The following CACNA1C variants were observed in gnomAD, a reference collection of about 807,000 sequenced individuals.
The protein encoded by CACNA1C is voltage-dependent L-type calcium channel subunit alpha-1C.
In CACNA1C, 30 loss-of-function variants were observed where a neutral mutation model predicts 229.0. That is an observed-to-expected ratio of 0.13 (90% confidence interval 0.10 to 0.18). CACNA1C has a LOEUF of 0.18. Ranked by LOEUF, CACNA1C falls within the 10% of genes least tolerant of loss-of-function variation. CACNA1C has a pLI of 1.00. For synonymous variants in CACNA1C, 1,114 were observed against 1,132.5 expected, an observed-to-expected ratio of 0.98 and a Z score of 0.33; for missense variants, 1,658 against 2,845.0, an observed-to-expected ratio of 0.58 and a Z score of 9.49.
Position 2,194,785 on chromosome 12 carries a change from G to A in CACNA1C, c.477+74355G>A, listed in dbSNP as rs146184899. Reference sequence around the variant, plus strand: ...TGACCCTGCCGTGGAGCACCTGAGGGGAGGAGTCACTGGGTTTCTGGCCTC... The same window carrying A: ...TGACCCTGCCGTGGAGCACCTGAGGAGAGGAGTCACTGGGTTTCTGGCCTC... On this transcript the variant is annotated intron_variant, in intron 3 of 46. Coordinates refer to ENST00000399655, the MANE Select transcript of CACNA1C (RefSeq NM_000719.7). Among the ~76,000 whole-genome samples, 196 of 152,276 alleles carry A rather than the reference G, an allele frequency of 1.3e-3. 2 individuals are homozygous for A. Among genetic ancestry groups the A allele is most frequent in the African/African-American group, 3.9e-3 (164 of 41,558 alleles).
At chr12:2,572,312 CTCCTCCTCT>C (rs2055057020) in intron 13 of CACNA1C, among the ~76,000 whole-genome samples, 3 of 147,172 alleles carry the variant, frequency 2.0e-5, no homozygotes, top group Admixed American at 6.7e-5. Flanking sequence ...CCTCCTCCTC[CTCCTCCTCT>C]TCCTCCTCCT....
chr12:2,333,166 G>A (rs1187748964), intron 3 of CACNA1C, among the ~76,000 whole-genome samples: 1 of 152,090 alleles, frequency 6.6e-6, no homozygotes, highest in Non-Finnish European at 1.5e-5. Flanking sequence ...GGTCTTGATG[G>A]GCTGTGTGCT....
chr12:2,140,487 G>A (rs1008489330), intron 3 of CACNA1C, among the ~76,000 whole-genome samples: 5 of 151,422 alleles, frequency 3.3e-5, no homozygotes, highest in African/African-American at 1.2e-4. Flanking sequence ...GGCTGAGACA[G>A]CACCAGATGA....
chr12:2,478,712 A>G (rs2099644239), intron 5 of CACNA1C, among the ~76,000 whole-genome samples: 1 of 152,206 alleles, frequency 6.6e-6, no homozygotes, highest in Non-Finnish European at 1.5e-5. Context: ...AGTTGGTACA[A>G]GGACACATGG....
rs555186857 is a variant in CACNA1C, at chr12:2,097,290, C to A, written c.50-17934C>A. ...CCTCCCGTGTAGCTGGGACTACAGG[C>A]GCCTGCCACCACGCCCAGCTAATTT... On this transcript the variant is annotated intron_variant, in intron 1 of 46. Coordinates refer to ENST00000399655, the MANE Select transcript of CACNA1C (RefSeq NM_000719.7). Among the ~76,000 whole-genome samples, 21 of 152,164 alleles carry A rather than the reference C, an allele frequency of 1.4e-4. No individual in the cohort carries two copies. In the East Asian group the frequency reaches 2.5e-3, roughly 18 times the overall value.
chr12:2,005,146 G>GA (rs71441670), intron 1 of CACNA1C, among the ~76,000 whole-genome samples: 2,570 of 130,954 alleles, frequency 0.02, 63 homozygotes, highest in African/African-American at 0.061. Flanking sequence ...AGTTACAAAA[G>GA]AAAAAAAAAA....
At chr12:2,052,238 T>C (rs958569979), upstream of CACNA1C, among the ~76,000 whole-genome samples, 2 of 152,184 alleles carry the variant, frequency 1.3e-5, no homozygotes, top group Non-Finnish European at 2.9e-5. Flanking sequence ...TTATTAAACC[T>C]GGGTCTAGGA....
chr12:2,176,134 G>A (rs1409996210), intron 3 of CACNA1C, among the ~76,000 whole-genome samples: 1 of 152,166 alleles, frequency 6.6e-6, no homozygotes. Flanking sequence ...AGGATGCTAG[G>A]AATTTGGGTT....
chr12:2,364,989 G>C (rs149844974), intron 3 of CACNA1C, among the ~76,000 whole-genome samples: 1 of 152,372 alleles, frequency 6.6e-6, no homozygotes, highest in East Asian at 1.9e-4. Context: ...GCCCCTGCCT[G>C]TGAGTGGCCT....
chr12:2,677,046 ATTCCCCTGCTCCCCTC>A lies in CACNA1C; in HGVS notation c.4829-45_4829-30del. On this transcript the variant is annotated intron_variant, in intron 39 of 46. Transcript: ENST00000399655. This position sits in a 1 kb window ranked among gnomAD's most constrained non-coding sequence, Gnocchi z 7.4. Reference sequence around the variant, plus strand: ...AAAAAAATGAATGAAGTTCAACTGAATTCCCCTGCTCCCCTCTTACCCCCTCTCCCCTCTCCATACG... The same window carrying A: ...AAAAAAATGAATGAAGTTCAACTGAATTACCCCCTCTCCCCTCTCCATACG... The A allele has an allele frequency of 6.5e-7, 1 of 1,532,174 alleles. No homozygotes were observed. The highest frequency in any genetic ancestry group is 9.0e-7 in the Non-Finnish European group (1 of 1,116,700). The allele number at this position is 1,532,174 out of a possible 1,614,324, so 94.9% of individuals were successfully genotyped here. A position where few individuals can be genotyped will look rare whatever the true frequency, so the allele number is the denominator to read the frequency against.
intron 3 of CACNA1C, among the ~76,000 whole-genome samples, chr12:2,408,502 T>G (rs2098764533): frequency 6.6e-6 from 1 of 152,034 alleles, no homozygotes; most frequent in African/African-American, 2.4e-5. Context: ...GGCTTTTTTT[T>G]TTTTTTGGTC....
chr12:2,289,788 A>G (rs912382178), intron 3 of CACNA1C, among the ~76,000 whole-genome samples: 19 of 152,304 alleles, frequency 1.2e-4, no homozygotes, highest in African/African-American at 3.4e-4. Context: ...TAGGATCCCA[A>G]GTGGTCAGAA....
chr12:2,153,094 G>A (rs944634951), intron 3 of CACNA1C, among the ~76,000 whole-genome samples: 11 of 152,126 alleles, frequency 7.2e-5, no homozygotes, highest in Admixed American at 1.3e-4. Context: ...GACTCATTTC[G>A]GATCTAACTT....
At chr12:2,468,773 G>A (rs1028386089) in intron 5 of CACNA1C, among the ~76,000 whole-genome samples, 1 of 152,212 alleles carries the variant, frequency 6.6e-6, no homozygotes, top group Non-Finnish European at 1.5e-5. Flanking sequence ...CCGGCCTGCC[G>A]GTGAGGAGAC....
chr12:2,580,082 G>C (rs2059956678), intron 13 of CACNA1C, among the ~76,000 whole-genome samples: 1 of 152,254 alleles, frequency 6.6e-6, no homozygotes, highest in Non-Finnish European at 1.5e-5. Context: ...TATAAGGACA[G>C]AGTTGGGAAG....
chr12:2,355,273 T>G lies in CACNA1C; in HGVS notation c.478-93703T>G, dbSNP rs73605799. Reference sequence around the variant, plus strand: ...AAGCTGGCTGATGTTCACTGACATGTGGCTGCATGGCCACATCAGTTGTTA... The same window carrying G: ...AAGCTGGCTGATGTTCACTGACATGGGGCTGCATGGCCACATCAGTTGTTA... On this transcript the variant is annotated intron_variant, in intron 3 of 46. Coordinates refer to ENST00000399655, the MANE Select transcript of CACNA1C (RefSeq NM_000719.7). 6.6e-3 allele frequency among the ~76,000 whole-genome samples: 1,008 copies of G among 152,304 alleles called. 10 individuals are homozygous for G. Among genetic ancestry groups the G allele is most frequent in the African/African-American group, 0.023 (951 of 41,550 alleles).
chr12:2,242,644 T>C (rs1207537630), intron 3 of CACNA1C, among the ~76,000 whole-genome samples: 1 of 152,232 alleles, frequency 6.6e-6, no homozygotes, highest in Non-Finnish European at 1.5e-5. Context: ...CCGGATTCTT[T>C]ACTTCCTACC....
intron 7 of CACNA1C, among the ~76,000 whole-genome samples, chr12:2,500,004 T>C (rs922583255): frequency 1.3e-5 from 2 of 152,054 alleles, no homozygotes; most frequent in Non-Finnish European, 2.9e-5. Context: ...AAGGAGAACT[T>C]TCCTTTCAGA....
At chr12:2,476,852 G>A (rs554825260) in intron 5 of CACNA1C, among the ~76,000 whole-genome samples, 1 of 152,244 alleles carries the variant, frequency 6.6e-6, no homozygotes, top group South Asian at 2.1e-4. Flanking sequence ...TAATGAATAA[G>A]GACACTCTAA....
Sources: allele counts gnomAD v4.1 joint callset (sites outside exome capture counted in the v4.1 genomes callset), GRCh38; gene constraint gnomAD v4.1.1; non-coding constraint Gnocchi (gnomAD v3.1); transcripts MANE v1.5; gene names NCBI Gene and HGNC (gene_info 2026-07-23, HGNC 2026-07-21).